GLRA3: variants seen among roughly 807,000 people sequenced by gnomAD.
GLRA3 encodes the protein glycine receptor subunit alpha-3.
In GLRA3, 44 loss-of-function variants were observed where a neutral mutation model predicts 60.4. The observed-to-expected ratio is 0.73, with a 90% confidence interval of 0.57 to 0.94. The LOEUF is 0.94. GLRA3 is among the 40% of genes least tolerant of loss of function. The pLI is 0.00. For missense variants in GLRA3, 508 were observed against 564.6 expected, an observed-to-expected ratio of 0.90 and a Z score of 1.02; for synonymous variants, 223 against 192.9, an observed-to-expected ratio of 1.16 and a Z score of -1.29.
intron 1 of GLRA3, among the ~76,000 whole-genome samples, chr4:174,814,383 T>C (rs1458973434): frequency 6.6e-6 from 1 of 152,160 alleles, no homozygotes; most frequent in Non-Finnish European, 1.5e-5. Flanking sequence ...GAAATTTTCT[T>C]CAAAGTTCCA....
chr4:174,767,771 T>A (rs1738208869), intron 2 of GLRA3, among the ~76,000 whole-genome samples: 2 of 152,098 alleles, frequency 1.3e-5, no homozygotes, highest in Non-Finnish European at 2.9e-5. Flanking sequence ...CAGAGCCTGA[T>A]GTCCACCAGA....
intron 5 of GLRA3, among the ~76,000 whole-genome samples, chr4:174,715,159 G>A (rs535553051): frequency 4.6e-5 from 7 of 152,240 alleles, no homozygotes; most frequent in East Asian, 1.9e-4. Flanking sequence ...TAGACACTTC[G>A]TTGAGAAGAG....
intron 3 of GLRA3, among the ~76,000 whole-genome samples, chr4:174,751,140 C>T (rs1737467463): frequency 6.6e-6 from 1 of 151,912 alleles, no homozygotes. Flanking sequence ...CTTCCTGCTA[C>T]CTACCTATCT....
chr4:174,658,979 T>G, intron 8 of GLRA3, 75 bp downstream of exon 8: 1 of 1,283,260 alleles, frequency 7.8e-7, no homozygotes, highest in Non-Finnish European at 1.1e-6. Flanking sequence ...TCTCTTTTCA[T>G]CTCTATTAAA....
chr4:174,656,660 A>G (rs1039096054), intron 9 of GLRA3, 83 bp downstream of exon 9: 17 of 713,036 alleles, frequency 2.4e-5, no homozygotes, highest in Admixed American at 1.5e-4. Flanking sequence ...CCCACCAAAC[A>G]CTGCCTTGGT....
intron 2 of GLRA3, among the ~76,000 whole-genome samples, chr4:174,782,935 C>T (rs1738950979): frequency 6.6e-6 from 1 of 152,122 alleles, no homozygotes; most frequent in Non-Finnish European, 1.5e-5. Flanking sequence ...ATCAAGCTAC[C>T]AATGACTTTC....
At chr4:174,744,378 T>C (rs77292740) in intron 3 of GLRA3, among the ~76,000 whole-genome samples, 2 of 152,214 alleles carry the variant, frequency 1.3e-5, no homozygotes, top group African/African-American at 2.4e-5. Flanking sequence ...TGCTGGTGTA[T>C]GCTGCCCTGG....
intron 3 of GLRA3, among the ~76,000 whole-genome samples, chr4:174,754,008 T>A (rs1386885821): frequency 2.6e-5 from 4 of 152,138 alleles, no homozygotes; most frequent in African/African-American, 9.7e-5. Flanking sequence ...CCTTGACATT[T>A]CCCTCCACAG....
At chr4:174,770,693 A>T (rs1422176548) in intron 2 of GLRA3, among the ~76,000 whole-genome samples, 3 of 152,062 alleles carry the variant, frequency 2.0e-5, no homozygotes, top group Non-Finnish European at 4.4e-5. Flanking sequence ...GAACCTTATA[A>T]AAGACCTGCA....
At chr4:174,790,719 G>A (rs1013078832) in intron 1 of GLRA3, among the ~76,000 whole-genome samples, 1 of 149,776 alleles carries the variant, frequency 6.7e-6, no homozygotes, top group Admixed American at 6.8e-5. Flanking sequence ...GGTGGCTCAC[G>A]CCTGTAATCC....
At chr4:174,821,196 A>C (rs532745133) in intron 1 of GLRA3, among the ~76,000 whole-genome samples, 1 of 152,306 alleles carries the variant, frequency 6.6e-6, no homozygotes, top group African/African-American at 2.4e-5. Context: ...ATATGACGTT[A>C]GTAAGAGCAG....
intron 5 of GLRA3, among the ~76,000 whole-genome samples, chr4:174,704,406 T>C (rs954965106): frequency 1.4e-5 from 2 of 143,694 alleles, no homozygotes; most frequent in Non-Finnish European, 3.1e-5. Flanking sequence ...GTCTACTGAT[T>C]CTCACACAAA....
chr4:174,821,722 A>G (rs1184620860), intron 1 of GLRA3, among the ~76,000 whole-genome samples: 1 of 152,150 alleles, frequency 6.6e-6, no homozygotes, highest in Non-Finnish European at 1.5e-5. Context: ...CACAATACAA[A>G]TTCGGTTTTT....
At chr4:174,781,975 G>A (rs1365763154) in intron 2 of GLRA3, among the ~76,000 whole-genome samples, 8 of 149,524 alleles carry the variant, frequency 5.4e-5, no homozygotes, top group Non-Finnish European at 1.2e-4. Context: ...TATGAGGCCA[G>A]CATCATTCTG....
At chr4:174,757,883 T>C (rs759713069) in intron 3 of GLRA3, among the ~76,000 whole-genome samples, 19 of 152,120 alleles carry the variant, frequency 1.2e-4, no homozygotes, top group Non-Finnish European at 2.1e-4. Flanking sequence ...AGGTGGGGCC[T>C]GGTGGGAGAT....
intron 5 of GLRA3, among the ~76,000 whole-genome samples, chr4:174,713,406 C>T (rs377030076): frequency 2.0e-5 from 3 of 152,156 alleles, no homozygotes; most frequent in South Asian, 2.1e-4. Flanking sequence ...AACCCTCAGG[C>T]ACTGTACTTT....
chr4:174,757,872 C>A (rs1737779990), intron 3 of GLRA3, among the ~76,000 whole-genome samples: 1 of 152,094 alleles, frequency 6.6e-6, no homozygotes, highest in African/African-American at 2.4e-5. Context: ...CCCAGTGTTG[C>A]AGGTGGGGCC....
At chr4:174,658,081 A>C (rs1733282368) in intron 8 of GLRA3, among the ~76,000 whole-genome samples, 1 of 152,192 alleles carries the variant, frequency 6.6e-6, no homozygotes, top group East Asian at 1.9e-4. Flanking sequence ...TAATTTATAA[A>C]GAAACCTTAA....
chr4:174,658,841 C>T (rs761056970), intron 8 of GLRA3, among the ~76,000 whole-genome samples: 5 of 152,134 alleles, frequency 3.3e-5, no homozygotes, highest in South Asian at 2.1e-4. Flanking sequence ...CCCATGTCAT[C>T]GGATATGCTG....
Sources: allele counts gnomAD v4.1 joint callset (sites outside exome capture counted in the v4.1 genomes callset), GRCh38; gene constraint gnomAD v4.1.1; transcripts MANE v1.5; gene names NCBI Gene and HGNC (gene_info 2026-07-23, HGNC 2026-07-21).